Variants in ZNF682 observed in about 807,000 individuals in gnomAD.
ZNF682 encodes the protein zinc finger protein 682.
In ZNF682, 29 loss-of-function variants were observed where a neutral mutation model predicts 36.5. The ratio of observed to expected loss-of-function variants is 0.80; its 90% CI spans 0.59 to 1.08. The LOEUF is 1.08. Ranked by LOEUF, ZNF682 falls within the 50% of genes least tolerant of loss-of-function variation. The pLI is 0.00. For synonymous variants in ZNF682, 180 were observed against 197.0 expected, an observed-to-expected ratio of 0.91 and a Z score of 0.72; for missense variants, 561 against 579.7, an observed-to-expected ratio of 0.97 and a Z score of 0.33.
At chr19:19,995,595 C>T (rs374643274), downstream of ZNF682, among the ~76,000 whole-genome samples, 1 of 152,094 alleles carries the variant, frequency 6.6e-6, no homozygotes, top group Non-Finnish European at 1.5e-5. Flanking sequence ...GCTCACACAA[C>T]CTGTTCCAGG....
Position 20,039,364 on chromosome 19 carries a change from T to G in ZNF682, c.-19A>C. 1 of 1,612,292 alleles carries G rather than the reference T, an allele frequency of 6.2e-7. No individual in the cohort carries two copies. The highest frequency in any genetic ancestry group is 8.5e-7 in the Non-Finnish European group (1 of 1,179,924). ...TCACCATTTTTCGGCTTCCGGGATG[T>G]CGTGGAGTCTTAGCTCTGGATCTCA... is the stretch of plus-strand genomic sequence containing the variant. On this transcript the variant is annotated 5_prime_UTR_variant, in exon 1 of 4. Coordinates refer to ENST00000397165, the MANE Select transcript of ZNF682 (RefSeq NM_033196.3).
At chr19:19,995,729 T>C (rs140589498), downstream of ZNF682, among the ~76,000 whole-genome samples, 424 of 151,240 alleles carry the variant, frequency 2.8e-3, 1 homozygote, top group Non-Finnish European at 4.0e-3. Context: ...GGCTCCAGAG[T>C]TGGCCACCCA....
chr19:20,026,079 G>A (rs1362011521), intron 1 of ZNF682, among the ~76,000 whole-genome samples: 1 of 152,034 alleles, frequency 6.6e-6, no homozygotes. Context: ...GAGGCGGGTG[G>A]ATCACAAGGT....
chr19:20,000,479 A>C (rs2088159819), downstream of ZNF682, among the ~76,000 whole-genome samples: 1 of 152,164 alleles, frequency 6.6e-6, no homozygotes, highest in African/African-American at 2.4e-5. Context: ...TTGTCGTTTC[A>C]TCTAGACAGC....
In ZNF682 at chr19:20,024,396, A is replaced by G. The variant is rs377111628; in HGVS notation, c.4-20T>C. 2 of 1,600,372 alleles carry G rather than the reference A, an allele frequency of 1.2e-6. No individual in the cohort carries two copies. Among genetic ancestry groups the G allele is most frequent in the South Asian group, 1.1e-5 (1 of 88,296 alleles). ...CAGTTCCTGAAAAACAAAACAAAAC[A>G]TAGTGACCAACTGTCAATGGGCAGA... On this transcript the variant is annotated intron_variant, in intron 1 of 3. Transcript: ENST00000397165.
rs2088208583 is a variant in ZNF682 at position 20,005,747 on chromosome 19, A to G, written c.*258T>C. ...CATTACACTTACATTGCTTTTATCT[A>G]GCACAAAACCTCTGATGAGTAAGTT... On this transcript the variant is annotated 3_prime_UTR_variant, in exon 4 of 4. Coordinates refer to ENST00000397165, the MANE Select transcript of ZNF682 (RefSeq NM_033196.3). 6 of 457,088 alleles carry G rather than the reference A, an allele frequency of 1.3e-5. No individual in the cohort carries two copies. Among genetic ancestry groups the G allele is most frequent in the Non-Finnish European group, 1.5e-5 (4 of 258,778 alleles). 28.3% of individuals were successfully genotyped at this position (457,088 alleles called of 1,614,324 possible).
At chr19:20,026,345 CCAGATGGAACCTA>C (rs889476680) in intron 1 of ZNF682, among the ~76,000 whole-genome samples, 2 of 152,010 alleles carry the variant, frequency 1.3e-5, no homozygotes, top group Non-Finnish European at 2.9e-5. Flanking sequence ...GATGGAACAT[CCAGATGGAACCTA>C]AACAATACAC....
intron 1 of ZNF682, among the ~76,000 whole-genome samples, chr19:20,026,937 A>C (rs919231794): frequency 1.3e-5 from 2 of 152,242 alleles, no homozygotes; most frequent in African/African-American, 4.8e-5. Flanking sequence ...TATAAGAAGA[A>C]AAGGAGGAAA....
At chr19:20,002,053 G>A (rs1196781361), downstream of ZNF682, among the ~76,000 whole-genome samples, 1 of 152,020 alleles carries the variant, frequency 6.6e-6, no homozygotes, top group Non-Finnish European at 1.5e-5. Context: ...CATCTGAAGG[G>A]CCACTTATGA....
chr19:20,026,750 G>A (rs778819272), intron 1 of ZNF682, among the ~76,000 whole-genome samples: 72 of 152,194 alleles, frequency 4.7e-4, no homozygotes, highest in Admixed American at 9.8e-4. Flanking sequence ...ACAGGCATGA[G>A]CCACTGTGCC....
intron 1 of ZNF682, among the ~76,000 whole-genome samples, chr19:20,038,432 AAAG>A (rs2088553153): frequency 6.6e-6 from 1 of 152,170 alleles, no homozygotes; most frequent in Admixed American, 6.6e-5. Context: ...GAATGTCAGG[AAAG>A]AACTGAAAAT....
At chr19:19,996,646 A>C (rs1171162979), downstream of ZNF682, among the ~76,000 whole-genome samples, 3 of 152,202 alleles carry the variant, frequency 2.0e-5, no homozygotes, top group Non-Finnish European at 4.4e-5. Context: ...ATGCAAAGGC[A>C]TAAGAATGAT....
chr19:20,011,857 G>A (rs957112537), intron 3 of ZNF682, among the ~76,000 whole-genome samples: 1 of 151,974 alleles, frequency 6.6e-6, no homozygotes, highest in Non-Finnish European at 1.5e-5. Flanking sequence ...CCAACATAGT[G>A]AAACCCCATG....
At chr19:20,003,046 C>T (rs1396689698), downstream of ZNF682, among the ~76,000 whole-genome samples, 1 of 151,066 alleles carries the variant, frequency 6.6e-6, no homozygotes, top group East Asian at 2.0e-4. Flanking sequence ...AAAGAATGAG[C>T]CGGGCGTGGT....
chr19:20,036,978 C>G (rs747822484), intron 1 of ZNF682, among the ~76,000 whole-genome samples: 14 of 151,998 alleles, frequency 9.2e-5, no homozygotes, highest in Non-Finnish European at 1.8e-4. Flanking sequence ...GAGTGAGACT[C>G]TGTCTCAAAA....
downstream of ZNF682, among the ~76,000 whole-genome samples, chr19:20,001,585 G>A (rs1034865417): frequency 1.3e-4 from 20 of 152,194 alleles, no homozygotes; most frequent in African/African-American, 2.2e-4. Context: ...CTAATAGGCT[G>A]TAATCGTTTG....
At chr19:20,027,912 C>T (rs1336103021) in intron 1 of ZNF682, among the ~76,000 whole-genome samples, 17 of 152,070 alleles carry the variant, frequency 1.1e-4, no homozygotes, top group Non-Finnish European at 5.9e-5. Context: ...CGGAGTGAGA[C>T]TGTCTCACAC....
downstream of ZNF682, among the ~76,000 whole-genome samples, chr19:20,001,604 GC>G (rs2088168959): frequency 6.6e-6 from 1 of 152,182 alleles, no homozygotes; most frequent in South Asian, 2.1e-4. Context: ...TGCTAGGACT[GC>G]CATAACACAG....
Position 20,005,984 on chromosome 19 carries a change from A to G in ZNF682, c.*21T>C. 1 of 1,549,054 alleles carries G rather than the reference A, an allele frequency of 6.5e-7. No individual in the cohort carries two copies. Among genetic ancestry groups the G allele is most frequent in the Non-Finnish European group, 8.7e-7 (1 of 1,149,884 alleles). ...TTGCCACATTCTTTACATTTGTAGG[A>G]TTTCTCTTTAGTAAAAATTCTTACG... On this transcript the variant is annotated 3_prime_UTR_variant, in exon 4 of 4. Coordinates refer to ENST00000397165, the MANE Select transcript of ZNF682 (RefSeq NM_033196.3).
Sources: gnomAD v4.1 joint callset for allele counts (sites outside exome capture counted in the v4.1 genomes callset) on GRCh38, gnomAD v4.1.1 for gene constraint, MANE v1.5 for transcripts, NCBI Gene and HGNC (gene_info 2026-07-23, HGNC 2026-07-21) for gene names.